CHRM4: variants seen among roughly 807,000 people sequenced by gnomAD.
CHRM4 encodes muscarinic acetylcholine receptor M4.
Under a neutral mutation model 26.3 loss-of-function variants are expected in CHRM4, and 5 were observed. The ratio of observed to expected loss-of-function variants is 0.19; its 90% CI spans 0.10 to 0.40. The LOEUF (loss-of-function observed/expected upper bound fraction) is 0.40. CHRM4 is among the 10% of genes least tolerant of loss of function. CHRM4 has a pLI of 1.00. For synonymous variants in CHRM4, 290 were observed against 285.3 expected (o/e 1.02, Z -0.16); for missense variants, 402 against 664.5 (o/e 0.60, Z 4.34).
rs1278052950 is a variant in CHRM4, at chr11:46,386,465, T to C, written c.93A>G (p.Glu31=). Residue 31 remains glutamate, a synonymous_variant, in exon 2 of 2, where the codon GAA becomes GAG. Coordinates refer to ENST00000682254, the MANE Select transcript of CHRM4 (RefSeq NM_000741.5). The surrounding 1 kb of genome is among the most constrained non-coding windows in gnomAD (Gnocchi z 5.8). ...SSSHNRYETV[E]MVFIATVTGS... ...CTGTCACTGTGGCAATGAAGACCAT[T>C]TCCACCGTCTCATAGCGATTGTGGG... 6.2e-7 allele frequency: 1 copy of C among 1,613,608 alleles called. No homozygotes were observed. Among genetic ancestry groups the C allele is most frequent in the African/African-American group, 1.3e-5 (1 of 74,892 alleles).
Position 46,386,820 on chromosome 11 carries a change from C to T in CHRM4, c.-29-234G>A, listed in dbSNP as rs865997752. Among the ~76,000 whole-genome samples, 1 of 152,158 alleles carries T rather than the reference C, an allele frequency of 6.6e-6. No homozygotes were observed. The highest frequency in any genetic ancestry group is 3.2e-3 in the Middle Eastern group (1 of 316). On this transcript the variant is annotated intron_variant, in intron 1 of 1. Coordinates refer to ENST00000682254, the MANE Select transcript of CHRM4 (RefSeq NM_000741.5). This position sits in a 1 kb window ranked among gnomAD's most constrained non-coding sequence, Gnocchi z 5.8. ...GAAGTGAATAAGACACACATGGCCC[C>T]CTGCCTCATGGGGGGAGACATGCAA... is the stretch of plus-strand genomic sequence containing the variant.
Position 46,386,625 on chromosome 11 carries a change from G to T in CHRM4, c.-29-39C>A. 1.3e-6 allele frequency: 2 copies of T among 1,556,942 alleles called. No homozygotes were observed. The highest frequency in any genetic ancestry group is 1.7e-6 in the Non-Finnish European group (2 of 1,144,080). ...GGAGAGAAAAGCATGAACTACAGGA[G>T]GGAATGGGGGAGTCATCTGGAGGTA... is the stretch of plus-strand genomic sequence containing the variant. On this transcript the variant is annotated intron_variant, in intron 1 of 1. Transcript: ENST00000682254. This position sits in a 1 kb window ranked among gnomAD's most constrained non-coding sequence, Gnocchi z 5.8.
Position 46,385,217 on chromosome 11 carries a change from G to A in CHRM4, c.1341C>T (p.Thr447=), listed in dbSNP as rs2067482. 250,924 of 1,613,938 alleles carry A rather than the reference G, an allele frequency of 0.16. 20,553 individuals carry two copies. Among genetic ancestry groups the A allele is most frequent in the Middle Eastern group, 0.19 (1,162 of 6,062 alleles). Residue 447 remains threonine, a synonymous_variant, in exon 2 of 2, where the codon ACC becomes ACT. Transcript: ENST00000682254. The surrounding 1 kb of genome is among the most constrained non-coding windows in gnomAD (Gnocchi z 6.3). ...IGYWLCYVNS[T]INPACYALCN... ...ACAGAGCATAGCAGGCAGGGTTGAT[G>A]GTGCTGTTGACGTAGCAGAGCCAGT...
In CHRM4 at chr11:46,383,922, G is replaced by A; in HGVS notation, c.*1196C>T. The A allele has an allele frequency of 3.2e-6, 1 of 317,442 alleles. No homozygotes were observed. The highest frequency in any genetic ancestry group is 2.6e-5 in the South Asian group (1 of 37,836). 19.7% of individuals were successfully genotyped at this position (317,442 alleles called of 1,614,324 possible). A position where few individuals can be genotyped will look rare whatever the true frequency, so the allele number is the denominator to read the frequency against. On this transcript the variant is annotated 3_prime_UTR_variant, in exon 2 of 2. Coordinates refer to ENST00000682254, the MANE Select transcript of CHRM4 (RefSeq NM_000741.5). ...CTGTAGGGACTGGTGGGTTTCAGGG[G>A]GCTTGGTGGTGGGTGCTCTCCAGAG... is the stretch of plus-strand genomic sequence containing the variant.
chr11:46,390,611 G>A (rs747608411), intron 1 of CHRM4, among the ~76,000 whole-genome samples: 18 of 152,246 alleles, frequency 1.2e-4, no homozygotes, highest in Non-Finnish European at 2.2e-4. Context: ...CCAAAGTGGG[G>A]ACCCAGTTTC....
chr11:46,385,422 C>G lies in CHRM4; in HGVS notation c.1136G>C (p.Ser379Thr). 1.2e-6 allele frequency: 2 copies of G among 1,608,926 alleles called. No individual in the cohort carries two copies. Among genetic ancestry groups the G allele is most frequent in the Non-Finnish European group, 1.7e-6 (2 of 1,175,900 alleles). Residue 379 changes from serine (S) to threonine (T), a missense_variant, in exon 2 of 2, where the codon AGC becomes ACC. By Grantham distance (58) the Ser-to-Thr change is moderately conservative (BLOSUM62 1). Transcript: ENST00000682254. This position sits in a 1 kb window ranked among gnomAD's most constrained non-coding sequence, Gnocchi z 6.3. ...PAANVARKFA[S>T]IARNQVRKKR... ...CTTGCGCACCTGGTTGCGAGCGATG[C>G]TGGCGAACTTGCGGGCCACGTTGGC...
At position 46,386,233 on chromosome 11, in the gene CHRM4, G is replaced by A; in HGVS notation, c.325C>T (p.Leu109=). The change falls in exon 2 of 2, where the codon CTG becomes TTG. Residue 109 remains leucine (L), a synonymous_variant. Coordinates refer to ENST00000682254, the MANE Select transcript of CHRM4 (RefSeq NM_000741.5). This position sits in a 1 kb window ranked among gnomAD's most constrained non-coding sequence, Gnocchi z 5.8. ...PLGAVVCDLW[L]ALDYVVSNAS... ...TTGCTCACCACGTAGTCCAGGGCCA[G>A]CCACAGGTCGCAGACCACGGCGCCC... is the stretch of plus-strand genomic sequence containing the variant. The A allele has an allele frequency of 6.2e-7, 1 of 1,613,912 alleles. No individual in the cohort carries two copies. Among genetic ancestry groups the A allele is most frequent in the Non-Finnish European group, 8.5e-7 (1 of 1,179,884 alleles).
Position 46,384,580 on chromosome 11 carries a change from A to G in CHRM4, c.*538T>C, listed in dbSNP as rs1213006881. Among the ~76,000 whole-genome samples the G allele has an allele frequency of 2.0e-5, 3 of 152,190 alleles. No individual in the cohort carries two copies. The highest frequency in any genetic ancestry group is 2.0e-4 in the Admixed American group (3 of 15,282). Reference sequence around the variant, plus strand: ...GACCTGGCCTCCATCATACCCACCCAGAACCTGGCTAAGTAGCTGCAGCCA... The same window carrying G: ...GACCTGGCCTCCATCATACCCACCCGGAACCTGGCTAAGTAGCTGCAGCCA... On this transcript the variant is annotated 3_prime_UTR_variant, in exon 2 of 2. Coordinates refer to ENST00000682254, the MANE Select transcript of CHRM4 (RefSeq NM_000741.5).
At position 46,385,864 on chromosome 11, in the gene CHRM4, C is replaced by G; in HGVS notation, c.694G>C (p.Glu232Gln). 1 of 1,607,778 alleles carries G rather than the reference C, an allele frequency of 6.2e-7. No individual in the cohort carries two copies. Among genetic ancestry groups the G allele is most frequent in the Non-Finnish European group, 8.5e-7 (1 of 1,177,434 alleles). The change falls in exon 2 of 2, where the codon GAG (glutamate) becomes CAG (glutamine). Residue 232 changes from glutamate to glutamine, a missense_variant. By Grantham distance (29) the Glu-to-Gln change is conservative. This residue lies in a region of CHRM4 where 205 missense variants were observed against 244.0 expected (regional missense o/e 0.84). Coordinates refer to ENST00000682254, the MANE Select transcript of CHRM4 (RefSeq NM_000741.5). This position sits in a 1 kb window ranked among gnomAD's most constrained non-coding sequence, Gnocchi z 6.3. ...SRSRVHKHRP[E>Q]GPKEKKAKTL... ...TTGGCTTTCTTCTCCTTCGGGCCCT[C>G]GGGCCGGTGCTTGTGGACTCGGCTG...
Position 46,391,521 on chromosome 11 carries a change from T to C in CHRM4, c.-30+10A>G, listed in dbSNP as rs1047519785. On this transcript the variant is annotated intron_variant, in intron 1 of 1. Transcript: ENST00000682254. This position sits in a 1 kb window ranked among gnomAD's most constrained non-coding sequence, Gnocchi z 6.3. ...GAGGGGGTCTGGCGCCCTGTCCCAG[T>C]CGAACCCACCTCTGGGGAGCCTCAG... 6.6e-6 allele frequency among the ~76,000 whole-genome samples: 1 copy of C among 151,810 alleles called. No individual in the cohort carries two copies. Among genetic ancestry groups the C allele is most frequent in the Non-Finnish European group, 1.5e-5 (1 of 67,914 alleles).
Position 46,391,049 on chromosome 11 carries a change from C to T in CHRM4, c.-30+482G>A, listed in dbSNP as rs956818114. ...GGAGGGGGCCTGGAGCTGGAGGACC[C>T]CGGCTTGGAGGCTGGGCAGCAAAGG... On this transcript the variant is annotated intron_variant, in intron 1 of 1. Transcript: ENST00000682254. This position sits in a 1 kb window ranked among gnomAD's most constrained non-coding sequence, Gnocchi z 6.3. Among the ~76,000 whole-genome samples, 3 of 151,790 alleles carry T rather than the reference C, an allele frequency of 2.0e-5. No individual in the cohort carries two copies. Among genetic ancestry groups the T allele is most frequent in the African/African-American group, 4.8e-5 (2 of 41,310 alleles).
At position 46,385,043 on chromosome 11, in the gene CHRM4, C is replaced by T. The variant is rs879526019; in HGVS notation, c.*75G>A. The T allele has an allele frequency of 4.2e-5, 62 of 1,478,402 alleles. No homozygotes were observed. The highest frequency in any genetic ancestry group is 5.4e-5 in the Non-Finnish European group (60 of 1,107,930). The allele number at this position is 1,478,402 out of a possible 1,614,324, so 91.6% of individuals were successfully genotyped here. ...GCAGAATGGTGCCTGCAACTCTTCC[C>T]CACAGCAAGTGAGCCGTGTGGTCCC... On this transcript the variant is annotated 3_prime_UTR_variant, in exon 2 of 2. Coordinates refer to ENST00000682254, the MANE Select transcript of CHRM4 (RefSeq NM_000741.5). This position sits in a 1 kb window ranked among gnomAD's most constrained non-coding sequence, Gnocchi z 6.3.
At position 46,385,418 on chromosome 11, in the gene CHRM4, G is replaced by A. The variant is rs200113372; in HGVS notation, c.1140C>T (p.Ile380=). The change falls in exon 2 of 2, where the codon ATC becomes ATT. Residue 380 remains isoleucine, a synonymous_variant. Coordinates refer to ENST00000682254, the MANE Select transcript of CHRM4 (RefSeq NM_000741.5). This position sits in a 1 kb window ranked among gnomAD's most constrained non-coding sequence, Gnocchi z 6.3. ...AANVARKFAS[I]ARNQVRKKRQ... is the part of the protein sequence containing the mutation. ...GCTTCTTGCGCACCTGGTTGCGAGC[G>A]ATGCTGGCGAACTTGCGGGCCACGT... 28 of 1,609,026 alleles carry A rather than the reference G, an allele frequency of 1.7e-5. No homozygotes were observed. Among genetic ancestry groups the A allele is most frequent in the East Asian group, 1.1e-4 (5 of 44,740 alleles).
intron 1 of CHRM4, among the ~76,000 whole-genome samples, chr11:46,387,215 G>T (rs531896202): frequency 6.6e-6 from 1 of 152,348 alleles, no homozygotes; most frequent in South Asian, 2.1e-4. Flanking sequence ...TGGGACAAAG[G>T]CAATAATCGG....
intron 1 of CHRM4, among the ~76,000 whole-genome samples, chr11:46,388,647 G>A (rs1461430718): frequency 6.6e-6 from 1 of 152,188 alleles, no homozygotes; most frequent in African/African-American, 2.4e-5. Context: ...ACCACATACT[G>A]CCCTCTCTTG....
In CHRM4 at chr11:46,385,314, G is replaced by A; in HGVS notation, c.1244C>T (p.Pro415Leu). The change falls in exon 2 of 2, where the codon CCC (proline) becomes CTC (leucine). Residue 415 changes from proline (P) to leucine (L), a missense_variant. By Grantham distance (98) the Pro-to-Leu change is moderately conservative. Transcript: ENST00000682254. The surrounding 1 kb of genome is among the most constrained non-coding windows in gnomAD (Gnocchi z 6.3). Reference sequence around the variant, plus strand: ...GTTCACCAGGACCATGACGTTGTAGGGCGTCCAGGTGAGGATGAAGGCTAG... The same window carrying A: ...GTTCACCAGGACCATGACGTTGTAGAGCGTCCAGGTGAGGATGAAGGCTAG... The part of the protein sequence containing the change: ...ILLAFILTWT[P>L]YNVMVLVNTF... 6.2e-7 allele frequency: 1 copy of A among 1,613,916 alleles called. No homozygotes were observed. The highest frequency in any genetic ancestry group is 8.5e-7 in the Non-Finnish European group (1 of 1,179,890).
Position 46,385,570 on chromosome 11 carries a change from G to T in CHRM4, c.988C>A (p.Pro330Thr). The T allele has an allele frequency of 1.3e-6, 2 of 1,561,348 alleles. No individual in the cohort carries two copies. Among genetic ancestry groups the T allele is most frequent in the Non-Finnish European group, 8.7e-7 (1 of 1,148,758 alleles). Residue 330 changes from proline (P) to threonine (T), a missense_variant, in exon 2 of 2, where the codon CCG becomes ACG. Physicochemically the swap from Pro to Thr is conservative, Grantham distance 38. Transcript: ENST00000682254. The surrounding 1 kb of genome is among the most constrained non-coding windows in gnomAD (Gnocchi z 6.3). Reference sequence around the variant, plus strand: ...CTGGAGGCTGGGTTGAGGGCCCGCGGCTGCAGGGGAGGGGCGGGCATGGCG... The same window carrying T: ...CTGGAGGCTGGGTTGAGGGCCCGCGTCTGCAGGGGAGGGGCGGGCATGGCG... ...TPAMPAPPLQ[P>T]RALNPASRWS...
At chr11:46,389,101 G>A (rs1945369633) in intron 1 of CHRM4, among the ~76,000 whole-genome samples, 1 of 152,190 alleles carries the variant, frequency 6.6e-6, no homozygotes, top group Admixed American at 6.5e-5. Context: ...TAGGAAGTAC[G>A]GGTGGGGGCA....
chr11:46,389,501 C>T (rs1376845138), intron 1 of CHRM4, among the ~76,000 whole-genome samples: 2 of 152,258 alleles, frequency 1.3e-5, no homozygotes, highest in Non-Finnish European at 2.9e-5. Flanking sequence ...CTGGCGCCTT[C>T]CCTGGAATCC....
Sources: gnomAD v4.1 joint callset for allele counts (sites outside exome capture counted in the v4.1 genomes callset) on GRCh38, gnomAD v4.1.1 for gene constraint, gnomAD v4.1.1 regional missense constraint, Gnocchi (gnomAD v3.1) non-coding constraint, MANE v1.5 for transcripts, NCBI Gene and HGNC (gene_info 2026-07-23, HGNC 2026-07-21) for gene names.